The following PPP4R4 variants were observed in gnomAD, a reference collection of about 807,000 sequenced individuals.
PPP4R4 encodes the protein serine/threonine-protein phosphatase 4 regulatory subunit 4.
A neutral mutation model predicts 121.8 loss-of-function variants in PPP4R4; 70 were observed. The ratio of observed to expected loss-of-function variants is 0.57; its 90% CI spans 0.47 to 0.70. PPP4R4 has a LOEUF of 0.70. Among genes scored for constraint, PPP4R4 ranks in the 30% least tolerant of loss-of-function variants. PPP4R4 has a pLI of 0.00. For synonymous variants in PPP4R4, 348 were observed against 355.7 expected, an observed-to-expected ratio of 0.98 and a Z score of 0.24; for missense variants, 875 against 1,033.6, an observed-to-expected ratio of 0.85 and a Z score of 2.10.
At chr14:94,248,206 G>A (rs1409823681) in intron 14 of PPP4R4, among the ~76,000 whole-genome samples, 6 of 152,152 alleles carry the variant, frequency 3.9e-5, no homozygotes, top group African/African-American at 1.4e-4. Context: ...ATAAACCACT[G>A]CAGTAAAGTT....
intron 16 of PPP4R4, among the ~76,000 whole-genome samples, chr14:94,254,447 T>C (rs993590253): frequency 6.6e-6 from 1 of 152,184 alleles, no homozygotes; most frequent in Non-Finnish European, 1.5e-5. Flanking sequence ...CATTACTAGG[T>C]TTAGCTGTAT....
At position 94,275,406 on chromosome 14, in the gene PPP4R4, G is replaced by A. The variant is rs756231339; in HGVS notation, c.2482G>A (p.Val828Ile). The change falls in exon 24 of 25, where the codon GTT (valine) becomes ATT (isoleucine). Residue 828 changes from valine (V) to isoleucine (I), a missense_variant. Physicochemically the swap from Val to Ile is conservative, Grantham distance 29. Coordinates refer to ENST00000304338, the MANE Select transcript of PPP4R4 (RefSeq NM_058237.2). ...ATTCCGGACTCGTAATGCCAGTAGC[G>A]TTCCATCTTCCTTTTCTCCTAATAC... ...DSFRTRNASS[V>I]PSSFSPNTPL... 43 of 1,613,804 alleles carry A rather than the reference G, an allele frequency of 2.7e-5. No individual in the cohort carries two copies. Among genetic ancestry groups the A allele is most frequent in the Admixed American group, 3.3e-5 (2 of 59,990 alleles).
rs548896615 is a variant in PPP4R4, at chr14:94,191,094, A to G, written c.191+14967A>G. On this transcript the variant is annotated intron_variant, in intron 2 of 24. Transcript: ENST00000304338. Reference sequence around the variant, plus strand: ...ATATGGAACAAATCCAAGATAAACAATACAAAAAACCAAGGATTTATTAAT... The same window carrying G: ...ATATGGAACAAATCCAAGATAAACAGTACAAAAAACCAAGGATTTATTAAT... Among the ~76,000 whole-genome samples the G allele has an allele frequency of 2.9e-4, 44 of 152,346 alleles. 1 individual carries two copies. The highest frequency in any genetic ancestry group is 1.3e-3 in the Admixed American group (20 of 15,306).
chr14:94,236,119 T>A (rs191284859), intron 7 of PPP4R4, among the ~76,000 whole-genome samples: 49 of 152,340 alleles, frequency 3.2e-4, no homozygotes, highest in African/African-American at 8.7e-4. Flanking sequence ...TGTCCACTGT[T>A]GCTAAATAGT....
chr14:94,208,516 A>T lies in PPP4R4; in HGVS notation c.244A>T (p.Met82Leu), dbSNP rs766599505. The change falls in exon 3 of 25, where the codon ATG (methionine) becomes TTG (leucine). Residue 82 changes from methionine to leucine, a missense_variant. Coordinates refer to ENST00000304338, the MANE Select transcript of PPP4R4 (RefSeq NM_058237.2). ...TGTGATTGCAAATCTCCCATTTTTGATGCGACAGAATCCCACTGAGACGCT... is the reference window on the plus strand; with the variant it reads ...TGTGATTGCAAATCTCCCATTTTTGTTGCGACAGAATCCCACTGAGACGCT... ...TSVIANLPFL[M>L]RQNPTETLRR... The T allele has an allele frequency of 6.2e-7, 1 of 1,612,132 alleles. No homozygotes were observed. Among genetic ancestry groups the T allele is most frequent in the Admixed American group, 1.7e-5 (1 of 59,874 alleles).
chr14:94,239,248 T>C (rs1011602470), intron 8 of PPP4R4, among the ~76,000 whole-genome samples: 22 of 151,690 alleles, frequency 1.5e-4, no homozygotes, highest in African/African-American at 5.1e-4. Flanking sequence ...GGGCACGACG[T>C]GCAGGTTTGT....
intron 24 of PPP4R4, 148 bp downstream of exon 24, chr14:94,275,669 A>G (rs1894599836): frequency 2.2e-6 from 2 of 890,956 alleles, no homozygotes; most frequent in Admixed American, 2.7e-5. Flanking sequence ...GTCACATGTG[A>G]CTCTGTTATG....
At position 94,210,117 on chromosome 14, in the gene PPP4R4, T is replaced by C. The variant is rs555668548; in HGVS notation, c.294+1551T>C. Among the ~76,000 whole-genome samples, 4 of 151,618 alleles carry C rather than the reference T, an allele frequency of 2.6e-5. No homozygotes were observed. The East Asian group carries it at 7.8e-4, about 30-fold the overall frequency. On this transcript the variant is annotated intron_variant, in intron 3 of 24. Transcript: ENST00000304338. ...AATTTTATACAAATTTTCATTACTT[T>C]TAAAGCTTATTAAAACCATATCTTC... is the stretch of plus-strand genomic sequence containing the variant.
At chr14:94,267,344 G>A (rs1185587861) in intron 23 of PPP4R4, among the ~76,000 whole-genome samples, 1 of 152,184 alleles carries the variant, frequency 6.6e-6, no homozygotes, top group Non-Finnish European at 1.5e-5. Flanking sequence ...TTTTAGGGAA[G>A]TTAAAAACAA....
chr14:94,264,738 A>T, intron 19 of PPP4R4, 140 bp from the exon 20 acceptor site: 1 of 664,340 alleles, frequency 1.5e-6, no homozygotes, highest in Non-Finnish European at 2.6e-6. Flanking sequence ...TGAATTCTTT[A>T]GACACTAACA....
In PPP4R4 at chr14:94,250,293, C is replaced by G. The variant is rs765394808; in HGVS notation, c.1717+16C>G. 2 of 1,537,614 alleles carry G rather than the reference C, an allele frequency of 1.3e-6. No homozygotes were observed. Among genetic ancestry groups the G allele is most frequent in the Non-Finnish European group, 1.8e-6 (2 of 1,113,136 alleles). On this transcript the variant is annotated intron_variant, in intron 15 of 24. Transcript: ENST00000304338. ...TTAATTGAACGTAAGTAATCATTGT[C>G]TACTATTTTGAAAAAGGAAAGTAAA...
chr14:94,239,306 G>A (rs1484391941), intron 8 of PPP4R4, among the ~76,000 whole-genome samples: 4 of 149,676 alleles, frequency 2.7e-5, no homozygotes, highest in African/African-American at 9.9e-5. Flanking sequence ...CCATTAACTC[G>A]TCATTTACAT....
At chr14:94,181,468 A>G (rs746989358) in intron 2 of PPP4R4, among the ~76,000 whole-genome samples, 1 of 152,234 alleles carries the variant, frequency 6.6e-6, no homozygotes, top group African/African-American at 2.4e-5. Context: ...CATATTTTCA[A>G]CATCAAATTT....
rs574247828 is a variant in PPP4R4, at chr14:94,230,509, C to A, written c.295-78C>A. 6.7e-4 allele frequency: 917 copies of A among 1,360,562 alleles called. 1 individual carries two copies. The highest frequency in any genetic ancestry group is 8.4e-4 in the Non-Finnish European group (835 of 999,814). The allele number at this position is 1,360,562 out of a possible 1,614,324, so 84.3% of individuals were successfully genotyped here. ...TTTGTGGAATATGACTATTTAGTTTCTACAACCTTGGATTTTTAAAAATTA... is the reference window on the plus strand; with the variant it reads ...TTTGTGGAATATGACTATTTAGTTTATACAACCTTGGATTTTTAAAAATTA... On this transcript the variant is annotated intron_variant, in intron 3 of 24. Coordinates refer to ENST00000304338, the MANE Select transcript of PPP4R4 (RefSeq NM_058237.2).
chr14:94,233,535 C>T (rs765513245), intron 5 of PPP4R4, 118 bp from the exon 6 acceptor site: 3 of 628,468 alleles, frequency 4.8e-6, no homozygotes, highest in South Asian at 4.4e-5. Flanking sequence ...AACCTCAAAT[C>T]GTAATTCAGG....
intron 5 of PPP4R4, among the ~76,000 whole-genome samples, chr14:94,232,721 T>G (rs1892108976): frequency 6.6e-6 from 1 of 152,300 alleles, no homozygotes; most frequent in African/African-American, 2.4e-5. Context: ...TAGGACATAT[T>G]CTTGTTTCCA....
rs202066878 is a variant in PPP4R4 at position 94,176,084 on chromosome 14, G to C, written c.148G>C (p.Asp50His). The C allele has an allele frequency of 1.2e-6, 2 of 1,612,670 alleles. No individual in the cohort carries two copies. The highest frequency in any genetic ancestry group is 2.7e-5 in the African/African-American group (2 of 75,020). The part of the protein sequence containing the change: ...TPEEIERLTV[D>H]EDLSDIERAV... The stretch of plus-strand genomic sequence containing the variant: ...GGAAGAAATAGAAAGATTGACAGTC[G>C]ATGAAGACCTCAGTGATATTGAAAG... Residue 50 changes from aspartate (D) to histidine (H), a missense_variant, in exon 2 of 25, where the codon GAT (aspartate) becomes CAT (histidine). By Grantham distance (81) the Asp-to-His change is moderately conservative. Transcript: ENST00000304338.
Position 94,248,414 on chromosome 14 carries a change from T to C in PPP4R4, c.1612-1758T>C, listed in dbSNP as rs1209378299. ...CTGCTGAAAGAAATCATAGATGACA[T>C]AAACAAATGGAAAAACATTCCTTAC... On this transcript the variant is annotated intron_variant, in intron 14 of 24. Coordinates refer to ENST00000304338, the MANE Select transcript of PPP4R4 (RefSeq NM_058237.2). Among the ~76,000 whole-genome samples, 3 of 152,246 alleles carry C rather than the reference T, an allele frequency of 2.0e-5. No individual in the cohort carries two copies. In the East Asian group the frequency reaches 5.8e-4, roughly 29 times the overall value.
At chr14:94,197,404 A>G (rs1313496997) in intron 2 of PPP4R4, among the ~76,000 whole-genome samples, 4 of 150,118 alleles carry the variant, frequency 2.7e-5, no homozygotes, top group Non-Finnish European at 5.9e-5. Context: ...GGTTTATTTT[A>G]TTTATTTTGT....
Sources: allele counts gnomAD v4.1 joint callset (sites outside exome capture counted in the v4.1 genomes callset), GRCh38; gene constraint gnomAD v4.1.1; transcripts MANE v1.5; gene names NCBI Gene and HGNC (gene_info 2026-07-23, HGNC 2026-07-21).